Variants in UBE2V1 observed in about 807,000 individuals in gnomAD.
The protein encoded by UBE2V1 is ubiquitin-conjugating enzyme E2 variant 1.
Under a neutral mutation model 19.6 loss-of-function variants are expected in UBE2V1, and 15 were observed. The ratio of observed to expected loss-of-function variants is 0.77; its 90% confidence interval spans 0.51 to 1.18. UBE2V1 has a LOEUF of 1.18. Ranked by LOEUF, UBE2V1 falls within the 50% of genes most tolerant of loss-of-function variation. UBE2V1 has a pLI of 0.00. For missense variants in UBE2V1, 125 were observed against 184.8 expected, an observed-to-expected ratio of 0.68 and a Z score of 1.88; for synonymous variants, 60 against 60.7, an observed-to-expected ratio of 0.99 and a Z score of 0.05.
intron 1 of UBE2V1, among the ~76,000 whole-genome samples, chr20:50,100,327 C>A (rs1378717585): frequency 6.6e-6 from 1 of 150,480 alleles, no homozygotes; most frequent in African/African-American, 2.4e-5. Flanking sequence ...GTGGCTCACA[C>A]CTGTAATTCC....
At position 50,104,614 on chromosome 20, in the gene UBE2V1, C is replaced by T. The variant is rs372504993; in HGVS notation, c.23-7794G>A. Among the ~76,000 whole-genome samples the T allele has an allele frequency of 5.6e-4, 73 of 130,082 alleles. No homozygotes were observed. In the East Asian group the frequency reaches 9.5e-3, roughly 17 times the overall value. The allele number at this position is 130,082 out of a possible 152,430, so 85.3% of individuals were successfully genotyped here. On this transcript the variant is annotated intron_variant, in intron 1 of 3. Coordinates refer to ENST00000371674, the MANE Select transcript of UBE2V1 (RefSeq NM_001032288.3). ...CGGAGCCTGCAGTGAGCCGAGATTG[C>T]GCCACTGCACTCCAGCCAGGGCGAC... is the stretch of plus-strand genomic sequence containing the variant.
Position 50,094,006 on chromosome 20 carries a change from A to T in UBE2V1, c.171+2666T>A, listed in dbSNP as rs1389384424. The stretch of plus-strand genomic sequence containing the variant: ...CCAACTCAAAAAAAAAAAAAAAAAA[A>T]AAAAAATAATAATAATAATAATAAT... On this transcript the variant is annotated intron_variant, in intron 2 of 3. Coordinates refer to ENST00000371674, the MANE Select transcript of UBE2V1 (RefSeq NM_001032288.3). Among the ~76,000 whole-genome samples, 13 of 128,140 alleles carry T rather than the reference A, an allele frequency of 1.0e-4. No individual in the cohort carries two copies. In the South Asian group the frequency reaches 1.2e-3, roughly 12 times the overall value. 84.1% of individuals were successfully genotyped at this position (128,140 alleles called of 152,430 possible).
chr20:50,115,421 A>G, upstream of UBE2V1: 1 of 1,437,752 alleles, frequency 7.0e-7, no homozygotes. Flanking sequence ...CTTGCCCTGG[A>G]CTTGGGGTCA....
chr20:50,084,313 G>A, intron 2 of UBE2V1, 59 bp from the exon 3 acceptor site: 1 of 1,609,250 alleles, frequency 6.2e-7, no homozygotes, highest in Non-Finnish European at 8.5e-7. Flanking sequence ...CAAAAAGGTA[G>A]AGCTTGTGAA....
chr20:50,114,319 T>C (rs750786586), upstream of UBE2V1, among the ~76,000 whole-genome samples: 1 of 152,144 alleles, frequency 6.6e-6, no homozygotes, highest in Non-Finnish European at 1.5e-5. Flanking sequence ...CTTTGTCTGA[T>C]AGCAGTGCCT....
chr20:50,114,128 G>T (rs528992744), upstream of UBE2V1, among the ~76,000 whole-genome samples: 1 of 152,062 alleles, frequency 6.6e-6, no homozygotes, highest in Non-Finnish European at 1.5e-5. Context: ...ACCCAAGAAG[G>T]TACTCCTCCT....
At chr20:50,115,530 G>C, upstream of UBE2V1, 1 of 1,596,246 alleles carries the variant, frequency 6.3e-7, no homozygotes, top group Non-Finnish European at 8.6e-7. Flanking sequence ...TCATCACTCA[G>C]TTTGCTTTGT....
At chr20:50,113,589 CAG>C (rs1281368252), upstream of UBE2V1, among the ~76,000 whole-genome samples, 6 of 152,168 alleles carry the variant, frequency 3.9e-5, no homozygotes, top group African/African-American at 1.4e-4. Flanking sequence ...TGTTAAGTGG[CAG>C]AGACAGGCAG....
In UBE2V1 at chr20:50,082,410, C is replaced by T. The variant is rs1356483318; in HGVS notation, c.*358G>A. ...AGGGGAGAAGGCAGAGACCCCAGGC[C>T]GTGTAATCAGCAGCAAGGTGATTGT... On this transcript the variant is annotated 3_prime_UTR_variant, in exon 4 of 4. Coordinates refer to ENST00000371674, the MANE Select transcript of UBE2V1 (RefSeq NM_001032288.3). 3 of 224,276 alleles carry T rather than the reference C, an allele frequency of 1.3e-5. No individual in the cohort carries two copies. Among genetic ancestry groups the T allele is most frequent in the Non-Finnish European group, 2.7e-5 (3 of 112,334 alleles). 13.9% of individuals were successfully genotyped at this position (224,276 alleles called of 1,614,324 possible).
chr20:50,102,634 C>T (rs541027900), intron 1 of UBE2V1, among the ~76,000 whole-genome samples: 6 of 152,234 alleles, frequency 3.9e-5, no homozygotes, highest in African/African-American at 7.2e-5. Flanking sequence ...TCAGGTGATC[C>T]GCTGGCCTCA....
In UBE2V1 at chr20:50,082,624, A is replaced by C. The variant is rs1056989975; in HGVS notation, c.*144T>G. On this transcript the variant is annotated 3_prime_UTR_variant, in exon 4 of 4. Transcript: ENST00000371674. ...AATTAGTATCATTTACAGTATCTTA[A>C]GATAAATTTCCTTTGAATGGGAGCT... is the stretch of plus-strand genomic sequence containing the variant. 1.3e-5 allele frequency: 18 copies of C among 1,389,738 alleles called. No homozygotes were observed. The highest frequency in any genetic ancestry group is 1.1e-4 in the Admixed American group (4 of 35,692). The allele number at this position is 1,389,738 out of a possible 1,614,324, so 86.1% of individuals were successfully genotyped here. A position where few individuals can be genotyped will look rare whatever the true frequency, so the allele number is the denominator to read the frequency against.
At chr20:50,106,714 A>G (rs150753490) in intron 1 of UBE2V1, among the ~76,000 whole-genome samples, 7 of 147,550 alleles carry the variant, frequency 4.7e-5, no homozygotes, top group Non-Finnish European at 1.0e-4. Flanking sequence ...CCTGTAATCG[A>G]GCTACTCAGG....
chr20:50,112,514 G>A (rs2080824759), intron 1 of UBE2V1, among the ~76,000 whole-genome samples: 1 of 152,116 alleles, frequency 6.6e-6, no homozygotes, highest in African/African-American at 2.4e-5. Flanking sequence ...GCTGCTCCAA[G>A]GCTCCTCCTT....
At chr20:50,109,106 A>ACC (rs2080576020) in intron 1 of UBE2V1, 1 of 985,246 alleles carries the variant, frequency 1.0e-6, no homozygotes, top group African/African-American at 1.7e-5. Flanking sequence ...CTGGCTGGTG[A>ACC]CCAGGCTGTG....
intron 1 of UBE2V1, among the ~76,000 whole-genome samples, chr20:50,103,237 C>G (rs908483580): frequency 6.6e-6 from 1 of 152,142 alleles, no homozygotes; most frequent in African/African-American, 2.4e-5. Flanking sequence ...TAATGAATGA[C>G]TAGGTATTAG....
intron 2 of UBE2V1, among the ~76,000 whole-genome samples, chr20:50,093,606 G>A (rs955851823): frequency 1.3e-5 from 2 of 152,162 alleles, no homozygotes; most frequent in African/African-American, 4.8e-5. Flanking sequence ...CAGCCACTTT[G>A]GGAAACAGTT....
rs1398328634 is a variant in UBE2V1, at chr20:50,081,184, A to C, written c.*1584T>G. On this transcript the variant is annotated 3_prime_UTR_variant, in exon 4 of 4. Coordinates refer to ENST00000371674, the MANE Select transcript of UBE2V1 (RefSeq NM_001032288.3). Reference sequence around the variant, plus strand: ...AAAATCAGGCAATGGTCTGACAATAAAAAGGCTGCTTATGGAATACTGTTA... The same window carrying C: ...AAAATCAGGCAATGGTCTGACAATACAAAGGCTGCTTATGGAATACTGTTA... 1 of 152,128 alleles carries C rather than the reference A, an allele frequency of 6.6e-6. No homozygotes were observed. The highest frequency in any genetic ancestry group is 1.5e-5 in the Non-Finnish European group (1 of 68,022). 9.4% of individuals were successfully genotyped at this position (152,128 alleles called of 1,614,324 possible).
intron 1 of UBE2V1, among the ~76,000 whole-genome samples, chr20:50,108,266 A>T (rs1489850114): frequency 6.6e-6 from 1 of 152,228 alleles, no homozygotes; most frequent in Non-Finnish European, 1.5e-5. Flanking sequence ...GGAGACAGAA[A>T]GGAGGATTTG....
At position 50,082,836 on chromosome 20, in the gene UBE2V1, G is replaced by A. The variant is rs1423493595; in HGVS notation, c.376C>T (p.Arg126Cys). 4 of 1,613,186 alleles carry A rather than the reference G, an allele frequency of 2.5e-6. No individual in the cohort carries two copies. Among genetic ancestry groups the A allele is most frequent in the East Asian group, 2.2e-5 (1 of 44,894 alleles). ...SIKVVLQELR[R>C]LMMSKENMKL... ...ATATTTTCTTTAGACATCATTAGGC[G>A]CCGAAGCTCTTGCAGGACAACTTTG... The change falls in exon 4 of 4, where the codon CGC (arginine) becomes TGC (cysteine). Residue 126 changes from arginine to cysteine, a missense_variant. Arg to Cys is a radical substitution (Grantham distance 180). Around this residue, in one of 3 missense-constraint regions of UBE2V1, gnomAD observed 78 missense variants for 108.8 expected, o/e 0.72. Transcript: ENST00000371674.
Sources: gnomAD v4.1 joint callset for allele counts (sites outside exome capture counted in the v4.1 genomes callset) on GRCh38, gnomAD v4.1.1 for gene constraint, gnomAD v4.1.1 regional missense constraint, MANE v1.5 for transcripts, NCBI Gene and HGNC (gene_info 2026-07-23, HGNC 2026-07-21) for gene names.